Variants in TG observed in about 807,000 individuals in gnomAD.
TG encodes the protein thyroglobulin, also known as thyroid hormones.
Under a neutral mutation model 324.7 loss-of-function variants are expected in TG, and 270 were observed. That is an observed-to-expected ratio of 0.83 (90% confidence interval 0.75 to 0.92). The LOEUF is 0.92. Ranked by LOEUF, TG falls within the 40% of genes least tolerant of loss-of-function variation. TG has a pLI of 0.00. For synonymous variants in TG, 1,401 were observed against 1,327.0 expected (o/e 1.06, Z -1.21); for missense variants, 3,591 against 3,456.4 (o/e 1.04, Z -0.98).
intron 43 of TG, chr8:133,102,741 T>C (rs1849423966): frequency 1.6e-6 from 1 of 627,224 alleles, no homozygotes; most frequent in South Asian, 1.8e-5. Flanking sequence ...ATTTGCATGA[T>C]CAAAAGCAGA....
chr8:133,068,723 A>G (rs939203083), intron 41 of TG, among the ~76,000 whole-genome samples: 7 of 152,248 alleles, frequency 4.6e-5, no homozygotes, highest in Admixed American at 2.6e-4. Context: ...GCTGTCTGGC[A>G]TACGGAGGCG....
chr8:132,983,266 A>G, intron 34 of TG, 84 bp from the exon 35 acceptor site: 2 of 1,450,378 alleles, frequency 1.4e-6, no homozygotes, highest in East Asian at 4.5e-5. Flanking sequence ...TACAATCACC[A>G]TCTTATACTT....
intron 40 of TG, among the ~76,000 whole-genome samples, chr8:133,024,585 G>C (rs1346943614): frequency 6.6e-6 from 1 of 151,104 alleles, no homozygotes; most frequent in East Asian, 1.9e-4. Flanking sequence ...ACAGGCCGTG[G>C]TGTGTGTTGT....
chr8:132,946,149 G>A (rs1300440014), intron 26 of TG, among the ~76,000 whole-genome samples: 2 of 150,940 alleles, frequency 1.3e-5, no homozygotes, highest in African/African-American at 2.4e-5. Flanking sequence ...TGAACTAAAT[G>A]TATTTTCTGA....
At chr8:132,885,900 C>T (rs1348750791) in intron 8 of TG, among the ~76,000 whole-genome samples, 3 of 152,158 alleles carry the variant, frequency 2.0e-5, no homozygotes, top group Admixed American at 1.3e-4. Flanking sequence ...CTGCCTCCCT[C>T]CAATCTGTGC....
intron 35 of TG, among the ~76,000 whole-genome samples, chr8:132,997,687 G>A (rs559370223): frequency 1.3e-5 from 2 of 152,078 alleles, no homozygotes; most frequent in South Asian, 2.1e-4. Flanking sequence ...AAAGAGGAAG[G>A]AAACTCAATA....
At chr8:132,995,495 G>A (rs1832784687) in intron 35 of TG, 3 of 985,222 alleles carry the variant, frequency 3.0e-6, no homozygotes, top group African/African-American at 3.5e-5. Flanking sequence ...GGCCTCCATG[G>A]TGCTGGACTC....
intron 10 of TG, among the ~76,000 whole-genome samples, chr8:132,890,453 C>G (rs1298188331): frequency 3.3e-5 from 5 of 152,118 alleles, no homozygotes; most frequent in African/African-American, 1.2e-4. Flanking sequence ...ACCTTGGGAA[C>G]TCATTAAAGA....
intron 10 of TG, among the ~76,000 whole-genome samples, chr8:132,889,245 A>G (rs1475944022): frequency 6.6e-6 from 1 of 152,214 alleles, no homozygotes; most frequent in Non-Finnish European, 1.5e-5. Flanking sequence ...ACAACCAGAC[A>G]TGTTCAACAC....
At chr8:132,928,868 A>G (rs1822271182) in intron 22 of TG, among the ~76,000 whole-genome samples, 1 of 152,228 alleles carries the variant, frequency 6.6e-6, no homozygotes, top group African/African-American at 2.4e-5. Context: ...AGGTAGAAGC[A>G]GGGAGAGCTG....
At chr8:133,134,177 C>T (rs375186682) in intron 47 of TG, among the ~76,000 whole-genome samples, 4 of 152,086 alleles carry the variant, frequency 2.6e-5, no homozygotes, top group African/African-American at 9.7e-5. Context: ...TTTGGAATAA[C>T]GGGTGTGAGT....
intron 35 of TG, among the ~76,000 whole-genome samples, chr8:132,993,505 G>A (rs546486695): frequency 1.3e-3 from 198 of 152,356 alleles, no homozygotes; most frequent in Non-Finnish European, 2.5e-3. Context: ...TGTACTCAAT[G>A]CTCAGTAAAG....
intron 41 of TG, chr8:133,063,464 C>A (rs1842666460): frequency 6.6e-6 from 1 of 151,482 alleles, no homozygotes; most frequent in Non-Finnish European, 1.5e-5. Context: ...TCTTCTCAAG[C>A]ATTTGCATGC....
At chr8:132,941,657 C>A in intron 26 of TG, 115 bp downstream of exon 26, 1 of 1,196,304 alleles carries the variant, frequency 8.4e-7, no homozygotes, top group Non-Finnish European at 1.2e-6. Context: ...GTGCCTACAC[C>A]CAAAGAGAAG....
At chr8:133,108,969 C>T (rs11997527) in intron 43 of TG, among the ~76,000 whole-genome samples, 7,422 of 152,248 alleles carry the variant, frequency 0.049, 587 homozygotes, top group African/African-American at 0.17. Context: ...ATGCATGTTT[C>T]GTTGGGATCT....
At chr8:132,902,962 C>T (rs1419988030) in intron 16 of TG, among the ~76,000 whole-genome samples, 2 of 152,176 alleles carry the variant, frequency 1.3e-5, no homozygotes, top group Non-Finnish European at 2.9e-5. Flanking sequence ...GCTCTCCTAT[C>T]TCCCCATTTT....
chr8:132,965,967 T>C (rs1443582562), intron 29 of TG, among the ~76,000 whole-genome samples: 4 of 152,194 alleles, frequency 2.6e-5, no homozygotes, highest in Non-Finnish European at 5.9e-5. Flanking sequence ...GGCATGTAAA[T>C]ACCTGAAGAC....
chr8:133,009,610 C>A (rs1220764394), intron 35 of TG, among the ~76,000 whole-genome samples: 1 of 151,600 alleles, frequency 6.6e-6, no homozygotes, highest in Non-Finnish European at 1.5e-5. Flanking sequence ...ATGTTGAAAC[C>A]CTAACCTCCA....
chr8:133,016,615 G>A (rs1835049887), intron 37 of TG, among the ~76,000 whole-genome samples: 1 of 152,218 alleles, frequency 6.6e-6, no homozygotes, highest in African/African-American at 2.4e-5. Context: ...GGCTTTGTCT[G>A]TCAATCAGCC....
Sources: allele counts gnomAD v4.1 joint callset (sites outside exome capture counted in the v4.1 genomes callset), GRCh38; gene constraint gnomAD v4.1.1; transcripts MANE v1.5; gene names NCBI Gene and HGNC (gene_info 2026-07-23, HGNC 2026-07-21).